CSGALNACT1: variants seen among roughly 807,000 people sequenced by gnomAD.
The protein encoded by CSGALNACT1 is beta4GalNAcT-1.
In CSGALNACT1, 52 loss-of-function variants were observed where a neutral mutation model predicts 51.0. The observed-to-expected ratio is 1.02, with a 90% CI of 0.82 to 1.29. The LOEUF (loss-of-function observed/expected upper bound fraction) is 1.29. Ranked by LOEUF, CSGALNACT1 falls within the 50% of genes most tolerant of loss-of-function variation. The pLI is 0.00. For missense variants in CSGALNACT1, 935 were observed against 679.2 expected (o/e 1.38, Z -4.19); for synonymous variants, 341 against 254.4 (o/e 1.34, Z -3.24).
In CSGALNACT1 at chr8:19,518,421, G is replaced by A. The variant is rs74450233; in HGVS notation, c.-296-12291C>T. ...CCAGACAAAATGGCACCAATCAACT[G>A]GAAAGCTATTTGCATAATAATATTA... On this transcript the variant is annotated intron_variant, in intron 3 of 9. Transcript: ENST00000454498. 1.0e-3 allele frequency among the ~76,000 whole-genome samples: 152 copies of A among 152,096 alleles called. 2 individuals carry two copies. In the East Asian group the frequency reaches 0.027, roughly 27 times the overall value.
chr8:19,552,283 A>C (rs542529563), intron 3 of CSGALNACT1, among the ~76,000 whole-genome samples: 1 of 152,322 alleles, frequency 6.6e-6, no homozygotes, highest in African/African-American at 2.4e-5. Flanking sequence ...TGGACTTAAG[A>C]TATCACATAA....
Position 19,484,462 on chromosome 8 carries a change from C to T in CSGALNACT1, c.634+20739G>A, listed in dbSNP as rs189464208. 6.2e-4 allele frequency among the ~76,000 whole-genome samples: 95 copies of T among 152,204 alleles called. No homozygotes were observed. In the Middle Eastern group the frequency reaches 0.017, roughly 27 times the overall value. On this transcript the variant is annotated intron_variant, in intron 4 of 9. Transcript: ENST00000454498. Reference sequence around the variant, plus strand: ...ATTTATAAAGGAAAGAGGTTTAATGCACTCACAGTTCCACATGGCTGGGGA... The same window carrying T: ...ATTTATAAAGGAAAGAGGTTTAATGTACTCACAGTTCCACATGGCTGGGGA...
At chr8:19,571,461 C>G (rs894804569) in intron 3 of CSGALNACT1, among the ~76,000 whole-genome samples, 2 of 143,178 alleles carry the variant, frequency 1.4e-5, no homozygotes, top group African/African-American at 5.5e-5. Context: ...CCCACCAAAA[C>G]AAAAACAAAA....
intron 6 of CSGALNACT1, among the ~76,000 whole-genome samples, chr8:19,438,190 C>A (rs1052702978): frequency 4.6e-5 from 2 of 43,956 alleles, no homozygotes; most frequent in Admixed American, 3.4e-4. Flanking sequence ...TTGGCCGGGG[C>A]GGGGGTCGGG....
At position 19,461,533 on chromosome 8, in the gene CSGALNACT1, C is replaced by T. The variant is rs191805245; in HGVS notation, c.635-2891G>A. On this transcript the variant is annotated intron_variant, in intron 4 of 9. Transcript: ENST00000454498. Reference sequence around the variant, plus strand: ...CACCATGGGGGGCGTATCCGCACAGCGGCCACATTCACCATGGGGGGCGTA... The same window carrying T: ...CACCATGGGGGGCGTATCCGCACAGTGGCCACATTCACCATGGGGGGCGTA... Among the ~76,000 whole-genome samples, 206 of 145,632 alleles carry T rather than the reference C, an allele frequency of 1.4e-3. 2 individuals are homozygous for T. Among genetic ancestry groups the T allele is most frequent in the Middle Eastern group, 3.7e-3 (1 of 268 alleles).
rs762693762 is a variant in CSGALNACT1, at chr8:19,505,849, T to A, written c.-15A>T. 6.2e-7 allele frequency: 1 copy of A among 1,607,298 alleles called. No individual in the cohort carries two copies. Among genetic ancestry groups the A allele is most frequent in the South Asian group, 1.1e-5 (1 of 91,086 alleles). ...ACCATCATCATTCAGGAATCAGCCA[T>A]GCGTCCAGAACCGGTGGCATCCCTC... On this transcript the variant is annotated 5_prime_UTR_variant, in exon 4 of 10. It removes an upstream start codon present in the reference 5' UTR. Coordinates refer to ENST00000454498, the Ensembl canonical transcript of CSGALNACT1.
At chr8:19,448,314 G>T (rs1163071404) in intron 5 of CSGALNACT1, among the ~76,000 whole-genome samples, 1 of 152,284 alleles carries the variant, frequency 6.6e-6, no homozygotes, top group South Asian at 2.1e-4. Flanking sequence ...CCTCATTGTA[G>T]GAAGAGTTAC....
intron 1 of CSGALNACT1, among the ~76,000 whole-genome samples, chr8:19,677,842 G>C (rs550886325): frequency 1.3e-4 from 20 of 152,218 alleles, no homozygotes; most frequent in African/African-American, 4.6e-4. Context: ...AATTTTTAGG[G>C]AATGTTAAAG....
chr8:19,634,988 C>A lies in CSGALNACT1; in HGVS notation c.-543-33123G>T, dbSNP rs576488526. ...CATCTGAGTCAGGACTCTGTCATAT[C>A]GATTTTGGAAAGACAGGTCATGTTA... On this transcript the variant is annotated intron_variant, in intron 1 of 9. Transcript: ENST00000332246. 3.9e-5 allele frequency among the ~76,000 whole-genome samples: 6 copies of A among 152,162 alleles called. No individual in the cohort carries two copies. In the South Asian group the frequency reaches 1.2e-3, roughly 32 times the overall value.
At position 19,644,531 on chromosome 8, in the gene CSGALNACT1, A is replaced by G. The variant is rs533053115; in HGVS notation, c.-544+37942T>C. 8.7e-4 allele frequency among the ~76,000 whole-genome samples: 131 copies of G among 151,148 alleles called. 1 individual carries two copies. The highest frequency in any genetic ancestry group is 8.1e-4 in the Non-Finnish European group (55 of 67,734). ...TCCAGACCAGCCTGGCCAACATGGT[A>G]AAACCCCATCTCTACTAAAAATACA... On this transcript the variant is annotated intron_variant, in intron 1 of 9. Coordinates refer to the CSGALNACT1 transcript ENST00000332246.
At chr8:19,478,924 G>A (rs557383873) in intron 4 of CSGALNACT1, among the ~76,000 whole-genome samples, 40 of 152,260 alleles carry the variant, frequency 2.6e-4, no homozygotes, top group African/African-American at 7.9e-4. Flanking sequence ...GGTTGCTAAT[G>A]TTTGGATGGT....
In CSGALNACT1 at chr8:19,476,830, G is replaced by A. The variant is rs77436349; in HGVS notation, c.635-18188C>T. Among the ~76,000 whole-genome samples, 23 of 152,204 alleles carry A rather than the reference G, an allele frequency of 1.5e-4. 1 individual carries two copies. The East Asian group carries it at 3.7e-3, about 24-fold the overall frequency. ...CTCATGTCACAGCAGTCCAGATGCC[G>A]GACATGTGAGTGAGCAAGCCTTCAG... is the stretch of plus-strand genomic sequence containing the variant. On this transcript the variant is annotated intron_variant, in intron 4 of 9. Coordinates refer to ENST00000454498, the Ensembl canonical transcript of CSGALNACT1.
At chr8:19,506,717 G>C (rs1012743717) in intron 3 of CSGALNACT1, among the ~76,000 whole-genome samples, 7 of 152,094 alleles carry the variant, frequency 4.6e-5, no homozygotes, top group Non-Finnish European at 8.8e-5. Flanking sequence ...AAAAGAGCCT[G>C]GCTCTTTGTC....
intron 4 of CSGALNACT1, among the ~76,000 whole-genome samples, chr8:19,502,840 G>T (rs1330512050): frequency 6.6e-6 from 1 of 152,110 alleles, no homozygotes; most frequent in Non-Finnish European, 1.5e-5. Flanking sequence ...GATTGAAAAG[G>T]TCCCCAAATG....
At chr8:19,438,703 G>A (rs540933046) in intron 6 of CSGALNACT1, among the ~76,000 whole-genome samples, 43 of 152,210 alleles carry the variant, frequency 2.8e-4, no homozygotes, top group African/African-American at 7.2e-4. Flanking sequence ...GTAAACAAAC[G>A]GGCATGCCTG....
At chr8:19,499,673 G>A (rs2076085690) in intron 4 of CSGALNACT1, among the ~76,000 whole-genome samples, 1 of 152,198 alleles carries the variant, frequency 6.6e-6, no homozygotes, top group Non-Finnish European at 1.5e-5. Context: ...AATGTACTGT[G>A]AGACTCATAA....
At chr8:19,469,000 G>T in intron 4 of CSGALNACT1, among the ~76,000 whole-genome samples, 1 of 152,076 alleles carries the variant, frequency 6.6e-6, no homozygotes. Context: ...CACTCAGAGG[G>T]GCAGAAGACA....
chr8:19,510,268 T>A (rs2078213757), intron 3 of CSGALNACT1, among the ~76,000 whole-genome samples: 1 of 152,150 alleles, frequency 6.6e-6, no homozygotes, highest in South Asian at 2.1e-4. Flanking sequence ...ATTCTTACAA[T>A]CTCTGGGCAA....
At chr8:19,685,686 G>C (rs965900538), upstream of CSGALNACT1, among the ~76,000 whole-genome samples, 1 of 152,160 alleles carries the variant, frequency 6.6e-6, no homozygotes, top group Non-Finnish European at 1.5e-5. Context: ...ATTCAGATGA[G>C]ATGGAACGAT....
Sources: allele counts gnomAD v4.1 joint callset (sites outside exome capture counted in the v4.1 genomes callset), GRCh38; gene constraint gnomAD v4.1.1; transcripts MANE v1.5; gene names NCBI Gene and HGNC (gene_info 2026-07-23, HGNC 2026-07-21).